SLC17A8: variants seen among roughly 807,000 people sequenced by gnomAD.
SLC17A8 encodes vesicular glutamate transporter 3.
A neutral mutation model predicts 58.0 loss-of-function variants in SLC17A8; 31 were observed. That is an observed-to-expected ratio of 0.53 (90% CI 0.40 to 0.72). SLC17A8 has a LOEUF of 0.72. Among genes scored for constraint, SLC17A8 ranks in the 30% least tolerant of loss-of-function variants. SLC17A8 has a pLI of 0.00. For synonymous variants in SLC17A8, 228 were observed against 249.0 expected (o/e 0.92, Z 0.79); for missense variants, 655 against 727.8 (o/e 0.90, Z 1.15).
At position 100,391,125 on chromosome 12, in the gene SLC17A8, A is replaced by T; in HGVS notation, c.473+6A>T. ...AACAAGTTTGCTGCTAACAGGTAAG[A>T]TAAATTGATATAACATGATACAAAC... On this transcript the variant is annotated splice_donor_region_variant and intron_variant, in intron 3 of 11. Transcript: ENST00000323346. 3.3e-6 allele frequency: 5 copies of T among 1,532,066 alleles called. No homozygotes were observed. The highest frequency in any genetic ancestry group is 4.5e-6 in the Non-Finnish European group (5 of 1,105,308). 94.9% of individuals were successfully genotyped at this position (1,532,066 alleles called of 1,614,324 possible).
chr12:100,393,578 T>A (rs1952732189), intron 4 of SLC17A8, 95 bp downstream of exon 4: 4 of 928,192 alleles, frequency 4.3e-6, no homozygotes, highest in Non-Finnish European at 7.0e-6. Context: ...TTTACTCAGT[T>A]TTTTTCTATA....
At chr12:100,371,179 T>C (rs953998830) in intron 1 of SLC17A8, among the ~76,000 whole-genome samples, 2 of 152,226 alleles carry the variant, frequency 1.3e-5, no homozygotes, top group Non-Finnish European at 2.9e-5. Flanking sequence ...GTGCCAGGAA[T>C]TATGCTAAGC....
In SLC17A8 at chr12:100,421,657, T is replaced by TA. The variant is rs1952949226; in HGVS notation, c.*1498_*1499insA. 1 of 77,064 alleles carries TA rather than the reference T, an allele frequency of 1.3e-5. No individual in the cohort carries two copies. The highest frequency in any genetic ancestry group is 4.3e-5 in the African/African-American group (1 of 23,406). The allele number at this position is 77,064 out of a possible 1,614,324, so 4.8% of individuals were successfully genotyped here. A position where few individuals can be genotyped will look rare whatever the true frequency, so the allele number is the denominator to read the frequency against. ...TTACTTGTAGCTTATTATTGTAAAG[T>TA]GTTTTTTTTTTTTTTTTTTTTTTCT... On this transcript the variant is annotated 3_prime_UTR_variant, in exon 12 of 12. Transcript: ENST00000323346.
At chr12:100,357,546 T>C in intron 1 of SLC17A8, 54 bp downstream of exon 1, 1 of 1,148,138 alleles carries the variant, frequency 8.7e-7, no homozygotes, top group Non-Finnish European at 1.3e-6. Context: ...GTATTGCCAA[T>C]GTGTGAGAGA....
At chr12:100,359,012 A>G (rs1433789765) in intron 1 of SLC17A8, among the ~76,000 whole-genome samples, 1 of 152,096 alleles carries the variant, frequency 6.6e-6, no homozygotes, top group African/African-American at 2.4e-5. Flanking sequence ...ATGATGGTGC[A>G]TGCCTGTCAT....
At chr12:100,358,322 G>A (rs1952462280) in intron 1 of SLC17A8, among the ~76,000 whole-genome samples, 1 of 152,052 alleles carries the variant, frequency 6.6e-6, no homozygotes, top group Admixed American at 6.6e-5. Flanking sequence ...CTTTTTATTT[G>A]TTTGGATGAT....
chr12:100,370,612 TAAAAAAAAAAA>T (rs61103377), intron 1 of SLC17A8, among the ~76,000 whole-genome samples: 2,763 of 127,218 alleles, frequency 0.022, 98 homozygotes, highest in African/African-American at 0.072. Flanking sequence ...ATCTAAATTC[TAAAAAAAAAAA>T]AAAAAAAAAA....
chr12:100,367,468 G>A (rs1000043454), intron 1 of SLC17A8, among the ~76,000 whole-genome samples: 3 of 152,348 alleles, frequency 2.0e-5, no homozygotes, highest in African/African-American at 7.2e-5. Context: ...AAGAGAGGAT[G>A]TAGACCTGGA....
intron 9 of SLC17A8, among the ~76,000 whole-genome samples, chr12:100,409,065 C>T (rs879281714): frequency 6.6e-5 from 10 of 152,014 alleles, no homozygotes; most frequent in Non-Finnish European, 1.2e-4. Flanking sequence ...CCATCATTTA[C>T]GGTAAGTACT....
At chr12:100,404,306 C>T (rs7957011) in intron 9 of SLC17A8, 136 bp downstream of exon 9, 1 of 1,125,322 alleles carries the variant, frequency 8.9e-7, no homozygotes, top group South Asian at 1.3e-5. Context: ...CCTCAGCAGA[C>T]ACTTGAGTGT....
intron 1 of SLC17A8, among the ~76,000 whole-genome samples, chr12:100,364,086 C>A (rs1365394676): frequency 6.8e-6 from 1 of 147,586 alleles, no homozygotes; most frequent in East Asian, 2.0e-4. Context: ...TTAGCTCTGG[C>A]AGGCTGTCAG....
chr12:100,365,016 G>A (rs990379382), intron 1 of SLC17A8, among the ~76,000 whole-genome samples: 14 of 152,172 alleles, frequency 9.2e-5, no homozygotes, highest in African/African-American at 3.4e-4. Context: ...CTCATGGAGA[G>A]GCATTGGTAT....
chr12:100,414,407 T>G (rs922061050), intron 10 of SLC17A8, among the ~76,000 whole-genome samples: 4 of 152,250 alleles, frequency 2.6e-5, no homozygotes, highest in Admixed American at 2.6e-4. Flanking sequence ...GGTTTAGAGA[T>G]GCATAGACCT....
At position 100,402,434 on chromosome 12, in the gene SLC17A8, T is replaced by C. The variant is rs148882860; in HGVS notation, c.858T>C (p.Tyr286=). ...HPTISNEEKT[Y]IETSIGEGAN... ...CAATATCCAATGAGGAGAAGACCTA[T>C]ATAGAGACAAGCATAGGAGAGGGGG... The change falls in exon 7 of 12, where the codon TAT becomes TAC. Residue 286 remains tyrosine (Y), a synonymous_variant. Transcript: ENST00000323346. The C allele has an allele frequency of 4.2e-4, 670 of 1,614,112 alleles. 6 individuals carry two copies. The African/African-American group carries it at 7.8e-3, about 19-fold the overall frequency.
chr12:100,386,059 T>C (rs779652140), intron 2 of SLC17A8, among the ~76,000 whole-genome samples: 1 of 152,206 alleles, frequency 6.6e-6, no homozygotes, highest in Non-Finnish European at 1.5e-5. Flanking sequence ...AGGACACTTG[T>C]CATTGGGTTT....
At chr12:100,372,408 C>T (rs1952564645) in intron 1 of SLC17A8, among the ~76,000 whole-genome samples, 3 of 152,204 alleles carry the variant, frequency 2.0e-5, no homozygotes, top group South Asian at 2.1e-4. Flanking sequence ...AGTGCAGTGG[C>T]GAGATCATAG....
At chr12:100,359,004 G>A (rs1201075162) in intron 1 of SLC17A8, among the ~76,000 whole-genome samples, 1 of 152,108 alleles carries the variant, frequency 6.6e-6, no homozygotes, top group Non-Finnish European at 1.5e-5. Flanking sequence ...TAGCCAGCAT[G>A]ATGGTGCATG....
chr12:100,375,680 T>C (rs1387973721), intron 1 of SLC17A8, among the ~76,000 whole-genome samples: 2 of 152,226 alleles, frequency 1.3e-5, no homozygotes, highest in African/African-American at 4.8e-5. Context: ...CATCTGCATG[T>C]ATATAGAGAG....
chr12:100,396,419 T>C lies in SLC17A8; in HGVS notation c.676+2T>C. The C allele has an allele frequency of 6.2e-7, 1 of 1,611,940 alleles. No homozygotes were observed. Among genetic ancestry groups the C allele is most frequent in the Non-Finnish European group, 8.5e-7 (1 of 1,178,148 alleles). On this transcript the variant is annotated splice_donor_variant, in intron 5 of 11. Transcript: ENST00000323346. LOFTEE classifies it high-confidence loss of function. ...GACTGGCCACAACCTCTTTTTGTGGTGGGTATATTAGAATCGTAACAAATT... is the reference window on the plus strand; with the variant it reads ...GACTGGCCACAACCTCTTTTTGTGGCGGGTATATTAGAATCGTAACAAATT...
Sources: gnomAD v4.1 joint callset for allele counts (sites outside exome capture counted in the v4.1 genomes callset) on GRCh38, gnomAD v4.1.1 for gene constraint, MANE v1.5 for transcripts, NCBI Gene and HGNC (gene_info 2026-07-23, HGNC 2026-07-21) for gene names.